The following SEMA3A variants were observed in gnomAD, a reference collection of about 807,000 sequenced individuals.
SEMA3A encodes the protein semaphorin 3A, also known as semaphorin-3A.
SEMA3A carries 29 observed loss-of-function variants against 97.9 expected under a neutral mutation model. The observed-to-expected ratio is 0.30, with a 90% CI of 0.22 to 0.40. The LOEUF (loss-of-function observed/expected upper bound fraction) is 0.40, where lower values mean the gene tolerates loss of function less well. SEMA3A is among the 10% of genes least tolerant of loss of function. SEMA3A has a pLI of 1.00. For synonymous variants in SEMA3A, 321 were observed against 323.7 expected, an observed-to-expected ratio of 0.99 and a Z score of 0.09; for missense variants, 763 against 951.3, an observed-to-expected ratio of 0.80 and a Z score of 2.60.
At chr7:83,984,876 T>C (rs1047833092) in intron 13 of SEMA3A, among the ~76,000 whole-genome samples, 6 of 152,134 alleles carry the variant, frequency 3.9e-5, no homozygotes, top group Admixed American at 3.3e-4. Context: ...TTGCTTTCAT[T>C]TGATATTTAG....
chr7:84,066,959 G>A (rs1023738024), intron 4 of SEMA3A, among the ~76,000 whole-genome samples: 19 of 151,834 alleles, frequency 1.3e-4, no homozygotes, highest in Admixed American at 2.6e-4. Flanking sequence ...AGCCTGCATC[G>A]CCAAGTCAAT....
At chr7:84,348,788 G>C (rs1346813843) in intron 2 of SEMA3A, among the ~76,000 whole-genome samples, 1 of 152,090 alleles carries the variant, frequency 6.6e-6, no homozygotes, top group Non-Finnish European at 1.5e-5. Context: ...TTTGAGACCA[G>C]CCTGGCCAAC....
chr7:84,325,136 T>TATCG (rs1359163617), intron 2 of SEMA3A, among the ~76,000 whole-genome samples: 2 of 92,964 alleles, frequency 2.2e-5, no homozygotes, highest in East Asian at 2.8e-4. Flanking sequence ...TCTATCTATC[T>TATCG]ATCTATCTAT....
intron 1 of SEMA3A, among the ~76,000 whole-genome samples, chr7:84,184,592 A>T (rs1797820650): frequency 2.0e-5 from 3 of 152,134 alleles, no homozygotes; most frequent in Admixed American, 2.0e-4. Context: ...CCAGGTAAAA[A>T]GGTGGGGGTA....
At chr7:84,395,601 A>ATAAT (rs71297132) in intron 1 of SEMA3A, among the ~76,000 whole-genome samples, 47,934 of 151,354 alleles carry the variant, frequency 0.32, 9,066 homozygotes, top group African/African-American at 0.54. Context: ...ATGGGGGGAG[A>ATAAT]TAATTGAATC....
chr7:84,006,478 C>T (rs1366000613), intron 10 of SEMA3A, among the ~76,000 whole-genome samples: 5 of 151,640 alleles, frequency 3.3e-5, no homozygotes, highest in Non-Finnish European at 7.4e-5. Flanking sequence ...AGATAATGGC[C>T]CCAGCAGCCA....
intron 2 of SEMA3A, among the ~76,000 whole-genome samples, chr7:84,308,087 T>C (rs1293892931): frequency 6.6e-6 from 1 of 152,112 alleles, no homozygotes; most frequent in Non-Finnish European, 1.5e-5. Flanking sequence ...TTTAATCTTA[T>C]TAAAGTAAAG....
chr7:83,996,200 A>C (rs1790210286), intron 12 of SEMA3A, among the ~76,000 whole-genome samples: 1 of 151,800 alleles, frequency 6.6e-6, no homozygotes, highest in Non-Finnish European at 1.5e-5. Flanking sequence ...TCTTCTGAGT[A>C]TTTTTATAAA....
intron 2 of SEMA3A, among the ~76,000 whole-genome samples, chr7:84,313,082 A>C (rs1801385679): frequency 6.9e-6 from 1 of 144,502 alleles, no homozygotes; most frequent in East Asian, 2.0e-4. Flanking sequence ...TATATAATAT[A>C]ATTGTTTTCA....
intron 3 of SEMA3A, among the ~76,000 whole-genome samples, chr7:84,274,811 C>G (rs1800252788): frequency 6.6e-6 from 1 of 151,878 alleles, no homozygotes; most frequent in Non-Finnish European, 1.5e-5. Flanking sequence ...CAACTGAAAG[C>G]AATTGGAACT....
rs1230244205 is a variant in SEMA3A, at chr7:84,347,494, C to T, written c.-169+24330G>A. On this transcript the variant is annotated intron_variant, in intron 2 of 3. Coordinates refer to the SEMA3A transcript ENST00000424555. ...TGGCGCGATCTCAGCTCATTGCAAC[C>T]TCTGCCTCCCGGGTTCAAGTAATTC... 2.6e-5 allele frequency among the ~76,000 whole-genome samples: 4 copies of T among 151,610 alleles called. No individual in the cohort carries two copies. In the South Asian group the frequency reaches 6.2e-4, roughly 24 times the overall value.
chr7:84,343,321 C>T (rs2115994782), intron 2 of SEMA3A, among the ~76,000 whole-genome samples: 1 of 152,194 alleles, frequency 6.6e-6, no homozygotes, highest in South Asian at 2.1e-4. Flanking sequence ...GTCCTGTTGG[C>T]AACTGAAAAC....
chr7:84,431,334 T>C (rs1362395168), intron 1 of SEMA3A, among the ~76,000 whole-genome samples: 1 of 152,044 alleles, frequency 6.6e-6, no homozygotes, highest in Non-Finnish European at 1.5e-5. Flanking sequence ...TGTGATTCAT[T>C]GATATCTAAT....
chr7:84,326,082 C>T (rs1801769460), intron 2 of SEMA3A, among the ~76,000 whole-genome samples: 2 of 152,060 alleles, frequency 1.3e-5, no homozygotes, highest in African/African-American at 4.8e-5. Context: ...TGGCAAGATG[C>T]TCTTCTTCTT....
chr7:84,375,115 G>T lies in SEMA3A; in HGVS notation c.-245-3215C>A, dbSNP rs563788747. ...GCTCACTACAATCTCTGCCTCCTTG[G>T]TTCAAGCTATTCTCCTGCCTCAGCC... On this transcript the variant is annotated intron_variant, in intron 1 of 3. Transcript: ENST00000424555. Among the ~76,000 whole-genome samples, 129 of 152,214 alleles carry T rather than the reference G, an allele frequency of 8.5e-4. 1 individual carries two copies. The highest frequency in any genetic ancestry group is 1.6e-3 in the Non-Finnish European group (107 of 68,018).
intron 5 of SEMA3A, among the ~76,000 whole-genome samples, chr7:84,057,765 T>TAAAA (rs1793052795): frequency 6.6e-6 from 1 of 150,512 alleles, no homozygotes; most frequent in African/African-American, 2.4e-5. Flanking sequence ...AATAAATAAA[T>TAAAA]AAATAAATAA....
intron 1 of SEMA3A, among the ~76,000 whole-genome samples, chr7:84,401,031 C>T (rs1803886903): frequency 1.4e-5 from 2 of 147,038 alleles, no homozygotes; most frequent in African/African-American, 5.3e-5. Flanking sequence ...AGCAATTGGA[C>T]AAGAGAAAGA....
At chr7:84,080,397 A>T (rs1223498919) in intron 4 of SEMA3A, among the ~76,000 whole-genome samples, 1 of 152,078 alleles carries the variant, frequency 6.6e-6, no homozygotes, top group Non-Finnish European at 1.5e-5. Flanking sequence ...ATAAAAAATT[A>T]TACCGTAGGC....
rs940050303 is a variant in SEMA3A at position 84,069,664 on chromosome 7, C to A, written c.454-9106G>T. Among the ~76,000 whole-genome samples, 10 of 152,118 alleles carry A rather than the reference C, an allele frequency of 6.6e-5. No individual in the cohort carries two copies. The South Asian group carries it at 2.1e-3, about 32-fold the overall frequency. Reference sequence around the variant, plus strand: ...CATTATTTTTCTAATATGAGACATTCTTTCAAAAGGAATATAACTGCCGAT... The same window carrying A: ...CATTATTTTTCTAATATGAGACATTATTTCAAAAGGAATATAACTGCCGAT... On this transcript the variant is annotated intron_variant, in intron 4 of 16. Coordinates refer to ENST00000265362, the MANE Select transcript of SEMA3A (RefSeq NM_006080.3).
Sources: allele counts gnomAD v4.1 joint callset (sites outside exome capture counted in the v4.1 genomes callset), GRCh38; gene constraint gnomAD v4.1.1; transcripts MANE v1.5; gene names NCBI Gene and HGNC (gene_info 2026-07-23, HGNC 2026-07-21).